The following TERB1 variants were observed in gnomAD, a reference collection of about 807,000 sequenced individuals.
TERB1 encodes telomere repeat binding bouquet formation protein 1.
Under a neutral mutation model 92.3 loss-of-function variants are expected in TERB1, and 63 were observed. The ratio of observed to expected loss-of-function variants is 0.68; its 90% confidence interval spans 0.56 to 0.84. The LOEUF is 0.84. Ranked by LOEUF, TERB1 falls within the 40% of genes least tolerant of loss-of-function variation. TERB1 has a pLI of 0.00. For synonymous variants in TERB1, 252 were observed against 283.9 expected (o/e 0.89, Z 1.13); for missense variants, 709 against 843.7 (o/e 0.84, Z 1.98).
chr16:66,793,211 G>GTTTTT (rs1174263983), intron 3 of TERB1, among the ~76,000 whole-genome samples: 243 of 93,482 alleles, frequency 2.6e-3, no homozygotes, highest in East Asian at 3.3e-3. Context: ...TTGTGGTTTG[G>GTTTTT]TTTTTTTTTT....
At chr16:66,784,341 T>A (rs953379620) in intron 9 of TERB1, among the ~76,000 whole-genome samples, 1 of 151,432 alleles carries the variant, frequency 6.6e-6, no homozygotes, top group East Asian at 1.9e-4. Context: ...TTTTTTGTGT[T>A]TTTTTTTTGA....
intron 18 of TERB1, among the ~76,000 whole-genome samples, chr16:66,757,242 A>G (rs944942143): frequency 3.3e-5 from 5 of 152,256 alleles, no homozygotes; most frequent in African/African-American, 1.2e-4. Context: ...CTACAAAAAA[A>G]AGGCATGTTT....
At chr16:66,793,211 GT>G (rs1174263983) in intron 3 of TERB1, among the ~76,000 whole-genome samples, 11,880 of 94,100 alleles carry the variant, frequency 0.13, 326 homozygotes, top group African/African-American at 0.32. Flanking sequence ...TTGTGGTTTG[GT>G]TTTTTTTTTT....
At chr16:66,781,326 G>T (rs1237253594) in intron 9 of TERB1, among the ~76,000 whole-genome samples, 3 of 152,038 alleles carry the variant, frequency 2.0e-5, no homozygotes, top group Non-Finnish European at 4.4e-5. Context: ...CAAAGCACTG[G>T]GATTACAGGC....
chr16:66,772,969 A>C (rs976458789), intron 12 of TERB1, among the ~76,000 whole-genome samples: 1 of 152,150 alleles, frequency 6.6e-6, no homozygotes, highest in African/African-American at 2.4e-5. Context: ...CAGGAGAAAA[A>C]ACATGCAAAT....
chr16:66,774,186 G>GT (rs34258271), intron 12 of TERB1, among the ~76,000 whole-genome samples: 44,662 of 90,684 alleles, frequency 0.49, 11,597 homozygotes, highest in East Asian at 0.62. Context: ...CAGCCCAAAC[G>GT]TTTTTTTTTT....
At chr16:66,756,981 C>T (rs769377610) in intron 18 of TERB1, among the ~76,000 whole-genome samples, 17 of 152,168 alleles carry the variant, frequency 1.1e-4, no homozygotes, top group Non-Finnish European at 2.1e-4. Context: ...TTGGGGAAAT[C>T]TGTAAATGCT....
Position 66,767,447 on chromosome 16 carries a change from C to G in TERB1, c.1748G>C (p.Ser583Thr), listed in dbSNP as rs1205812345. 4.6e-6 allele frequency: 7 copies of G among 1,525,462 alleles called. No individual in the cohort carries two copies. Among genetic ancestry groups the G allele is most frequent in the Non-Finnish European group, 6.2e-6 (7 of 1,136,638 alleles). The allele number at this position is 1,525,462 out of a possible 1,614,324, so 94.5% of individuals were successfully genotyped here. ...KEVVSFLATPSCSEMLTYRCS... is the reference protein window; with the variant it reads ...KEVVSFLATPTCSEMLTYRCS... Reference sequence around the variant, plus strand: ...CCTATACGTCAACATTTCGGAACAACTGGGAGTTGCTAGAAAACTGACTAC... The same window carrying G: ...CCTATACGTCAACATTTCGGAACAAGTGGGAGTTGCTAGAAAACTGACTAC... Residue 583 changes from serine (S) to threonine (T), a missense_variant, in exon 16 of 19, where the codon AGT becomes ACT. By Grantham distance (58) the Ser-to-Thr change is moderately conservative. Transcript: ENST00000433154.
In TERB1 at chr16:66,759,152, A is replaced by G. The variant is rs1293506685; in HGVS notation, c.1919T>C (p.Ile640Thr). ...RYKSELRKSL[I>T]CNKKILLTPR... The stretch of plus-strand genomic sequence containing the variant: ...GCTGAATTAATTACTTTTGTTACAG[A>G]TAAGTGATTTCCTTAGTTCACTTTT... The change falls in exon 17 of 19, where the codon ATC becomes ACC. Residue 640 changes from isoleucine (I) to threonine (T), a missense_variant. Coordinates refer to ENST00000433154, the MANE Select transcript of TERB1 (RefSeq NM_001136505.2). The G allele has an allele frequency of 4.5e-6, 7 of 1,541,612 alleles. No homozygotes were observed. The highest frequency in any genetic ancestry group is 2.1e-5 in the Admixed American group (1 of 47,974).
At chr16:66,755,288 G>A in intron 18 of TERB1, 125 bp from the exon 19 acceptor site, 1 of 643,912 alleles carries the variant, frequency 1.6e-6, no homozygotes, top group Non-Finnish European at 2.6e-6. Flanking sequence ...AGAAATGCCA[G>A]GGCTTCTCAT....
At chr16:66,789,208 C>T (rs2145219075) in intron 5 of TERB1, among the ~76,000 whole-genome samples, 1 of 151,996 alleles carries the variant, frequency 6.6e-6, no homozygotes, top group South Asian at 2.1e-4. Flanking sequence ...CGTGATTATG[C>T]ACTGCATGTC....
intron 16 of TERB1, among the ~76,000 whole-genome samples, chr16:66,766,370 A>C (rs537214796): frequency 6.6e-6 from 1 of 152,316 alleles, no homozygotes; most frequent in Admixed American, 6.5e-5. Flanking sequence ...GGGAAGAACA[A>C]TGATGTTCTG....
intron 16 of TERB1, among the ~76,000 whole-genome samples, chr16:66,765,037 T>G (rs1296369564): frequency 1.3e-5 from 2 of 152,188 alleles, no homozygotes; most frequent in African/African-American, 2.4e-5. Flanking sequence ...TGCTATAGAC[T>G]AGGTCTTGAG....
intron 5 of TERB1, 49 bp downstream of exon 5, chr16:66,790,546 A>C: frequency 7.2e-7 from 1 of 1,386,240 alleles, no homozygotes; most frequent in Non-Finnish European, 9.7e-7. Flanking sequence ...ATACTGTTAA[A>C]ATATAACACA....
chr16:66,790,357 G>C (rs994595257), intron 5 of TERB1, among the ~76,000 whole-genome samples: 13 of 147,438 alleles, frequency 8.8e-5, no homozygotes, highest in African/African-American at 1.3e-4. Flanking sequence ...AAGAGAGAGA[G>C]AGAGAAAGAA....
intron 9 of TERB1, 77 bp downstream of exon 9, chr16:66,785,709 A>T (rs1160856926): frequency 1.5e-6 from 2 of 1,354,084 alleles, no homozygotes; most frequent in African/African-American, 3.0e-5. Context: ...AATTGATTCA[A>T]TAATAAATTC....
chr16:66,785,323 G>C (rs2062532), intron 9 of TERB1, among the ~76,000 whole-genome samples: 2 of 151,910 alleles, frequency 1.3e-5, no homozygotes, highest in African/African-American at 2.4e-5. Context: ...GATTATAGGC[G>C]TGAGCCACCA....
rs1480273644 is a variant in TERB1, at chr16:66,777,281, A to G, written c.907T>C (p.Leu303=). Reference sequence around the variant, plus strand: ...GAATCCAGACTTTCATGAAGCAGTAATGCCAGAAGTTTAGAAACAATGTGG... The same window carrying G: ...GAATCCAGACTTTCATGAAGCAGTAGTGCCAGAAGTTTAGAAACAATGTGG... The part of the protein sequence containing the change: ...KYHIVSKLLA[L]LLHESLDSGE... Residue 303 remains leucine, a synonymous_variant, in exon 11 of 19, where the codon TTA becomes CTA. Transcript: ENST00000433154. 1 of 1,550,250 alleles carries G rather than the reference A, an allele frequency of 6.5e-7. No homozygotes were observed. The highest frequency in any genetic ancestry group is 2.0e-5 in the Admixed American group (1 of 51,010).
intron 9 of TERB1, among the ~76,000 whole-genome samples, chr16:66,782,127 C>T (rs528103709): frequency 1.3e-5 from 2 of 152,272 alleles, no homozygotes; most frequent in East Asian, 3.9e-4. Flanking sequence ...TATAGATACC[C>T]ACTTTTTCTA....
Sources: allele counts gnomAD v4.1 joint callset (sites outside exome capture counted in the v4.1 genomes callset), GRCh38; gene constraint gnomAD v4.1.1; transcripts MANE v1.5; gene names NCBI Gene and HGNC (gene_info 2026-07-23, HGNC 2026-07-21).